Variants in KHDRBS2 observed in about 807,000 individuals in gnomAD.
The protein encoded by KHDRBS2 is KH RNA binding domain containing, signal transduction associated 2, also known as KH domain-containing, RNA-binding, signal transduction-associated protein 2.
A neutral mutation model predicts 44.3 loss-of-function variants in KHDRBS2; 26 were observed. The observed-to-expected ratio is 0.59, with a 90% CI of 0.43 to 0.81. The LOEUF is 0.81. KHDRBS2 is among the 40% of genes least tolerant of loss of function. The probability of loss-of-function intolerance (pLI) is 0.00; values close to 1 mark genes in which losing one functional copy is unlikely to be tolerated. For missense variants in KHDRBS2, 476 were observed against 433.1 expected (o/e 1.10, Z -0.88); for synonymous variants, 194 against 151.1 (o/e 1.28, Z -2.08).
At chr6:62,191,946 T>C (rs533352748) in intron 1 of KHDRBS2, among the ~76,000 whole-genome samples, 1 of 152,190 alleles carries the variant, frequency 6.6e-6, no homozygotes, top group African/African-American at 2.4e-5. Context: ...TATTGATCAG[T>C]GATTAGAAAG....
At chr6:61,931,409 C>T (rs146928830) in intron 4 of KHDRBS2, among the ~76,000 whole-genome samples, 315 of 151,900 alleles carry the variant, frequency 2.1e-3, no homozygotes, top group Admixed American at 3.4e-3. Context: ...GACTTAAAAA[C>T]TATATAAAAT....
chr6:61,902,913 CT>C (rs1274048022), intron 4 of KHDRBS2, among the ~76,000 whole-genome samples: 1 of 151,956 alleles, frequency 6.6e-6, no homozygotes, highest in Non-Finnish European at 1.5e-5. Context: ...TAGAAACTGC[CT>C]TGATTACAAG....
At chr6:61,767,209 T>C (rs1437043929) in intron 6 of KHDRBS2, among the ~76,000 whole-genome samples, 2 of 152,074 alleles carry the variant, frequency 1.3e-5, no homozygotes, top group Non-Finnish European at 2.9e-5. Flanking sequence ...TACATAATGA[T>C]CTCCTTTGTC....
At chr6:62,128,718 ATT>A (rs1229591008) in intron 2 of KHDRBS2, among the ~76,000 whole-genome samples, 1 of 151,848 alleles carries the variant, frequency 6.6e-6, no homozygotes, top group Admixed American at 6.6e-5. Context: ...TTCTAAATAT[ATT>A]TTTAGTGTAG....
At chr6:61,986,467 G>T (rs1045932490) in intron 3 of KHDRBS2, among the ~76,000 whole-genome samples, 1 of 151,956 alleles carries the variant, frequency 6.6e-6, no homozygotes, top group Admixed American at 6.6e-5. Context: ...GTTTGATATT[G>T]GTTTAGTTAT....
intron 7 of KHDRBS2, among the ~76,000 whole-genome samples, chr6:61,721,407 A>G (rs1020386442): frequency 6.6e-6 from 1 of 151,440 alleles, no homozygotes; most frequent in Non-Finnish European, 1.5e-5. Context: ...CTTCCTACCC[A>G]TGAGCATGGA....
chr6:62,275,317 C>T (rs1840753534), intron 1 of KHDRBS2, among the ~76,000 whole-genome samples: 1 of 152,024 alleles, frequency 6.6e-6, no homozygotes, highest in South Asian at 2.1e-4. Flanking sequence ...TTCATCTTCC[C>T]ACAATTCCTT....
chr6:61,948,198 C>T (rs1326581312), intron 4 of KHDRBS2, among the ~76,000 whole-genome samples: 1 of 151,948 alleles, frequency 6.6e-6, no homozygotes, highest in Non-Finnish European at 1.5e-5. Flanking sequence ...ATTCAACCAA[C>T]TATGAAGCAA....
intron 3 of KHDRBS2, among the ~76,000 whole-genome samples, chr6:62,022,657 C>T (rs1782560466): frequency 6.6e-6 from 1 of 151,424 alleles, no homozygotes; most frequent in African/African-American, 2.4e-5. Flanking sequence ...TCATGAGCTC[C>T]CTCTTTGGGC....
At chr6:62,053,270 T>C (rs1206105020) in intron 2 of KHDRBS2, among the ~76,000 whole-genome samples, 1 of 150,880 alleles carries the variant, frequency 6.6e-6, no homozygotes, top group Non-Finnish European at 1.5e-5. Flanking sequence ...AATGGAGAAA[T>C]ATCCAAGAAC....
intron 3 of KHDRBS2, among the ~76,000 whole-genome samples, chr6:62,009,996 C>T (rs1374391471): frequency 6.6e-6 from 1 of 152,090 alleles, no homozygotes; most frequent in Non-Finnish European, 1.5e-5. Flanking sequence ...GAGAACAGGG[C>T]CACCGTCCTC....
chr6:62,282,916 G>A (rs529812872), intron 1 of KHDRBS2, among the ~76,000 whole-genome samples: 22 of 152,220 alleles, frequency 1.4e-4, no homozygotes, highest in African/African-American at 5.1e-4. Context: ...AGCTTACCCA[G>A]ATTCAGTTGA....
rs2127589656 is a variant in KHDRBS2, at chr6:61,801,534, A to G, written c.811-68770T>C. 1.3e-5 allele frequency among the ~76,000 whole-genome samples: 2 copies of G among 152,300 alleles called. 1 individual carries two copies. Among genetic ancestry groups the G allele is most frequent in the East Asian group, 3.9e-4 (2 of 5,174 alleles). On this transcript the variant is annotated intron_variant, in intron 6 of 8. Coordinates refer to ENST00000281156, the MANE Select transcript of KHDRBS2 (RefSeq NM_152688.4). ...TATAGGAATTATATTTGATAAAGAAAGAACACTGATGAATAGCTCATTTGT... is the reference window on the plus strand; with the variant it reads ...TATAGGAATTATATTTGATAAAGAAGGAACACTGATGAATAGCTCATTTGT...
intron 6 of KHDRBS2, among the ~76,000 whole-genome samples, chr6:61,789,020 A>T (rs1027133877): frequency 2.6e-5 from 4 of 151,396 alleles, no homozygotes; most frequent in African/African-American, 9.7e-5. Context: ...TTACTTGGCA[A>T]GTTCTTTATC....
In KHDRBS2 at chr6:61,902,877, C is replaced by T. The variant is rs1441715388; in HGVS notation, c.484-1506G>A. 3.9e-5 allele frequency among the ~76,000 whole-genome samples: 6 copies of T among 152,240 alleles called. No homozygotes were observed. In the East Asian group the frequency reaches 1.2e-3, roughly 29 times the overall value. On this transcript the variant is annotated intron_variant, in intron 4 of 8. Coordinates refer to ENST00000281156, the MANE Select transcript of KHDRBS2 (RefSeq NM_152688.4). The stretch of plus-strand genomic sequence containing the variant: ...GGAAGCATTCAGCCTACAAGGATTT[C>T]TTTGGCACAGCTTTACCTCATGCTC...
intron 2 of KHDRBS2, among the ~76,000 whole-genome samples, chr6:62,088,800 T>C (rs1798915105): frequency 6.6e-6 from 1 of 152,144 alleles, no homozygotes; most frequent in Admixed American, 6.5e-5. Flanking sequence ...AAATTTTAAG[T>C]CTGCTGAAGC....
intron 3 of KHDRBS2, among the ~76,000 whole-genome samples, chr6:62,020,211 G>T (rs775194705): frequency 6.6e-6 from 1 of 151,720 alleles, no homozygotes; most frequent in Non-Finnish European, 1.5e-5. Flanking sequence ...CCAAATATTT[G>T]GGAATTTTTC....
At chr6:62,066,727 G>A (rs1562774760) in intron 2 of KHDRBS2, among the ~76,000 whole-genome samples, 2 of 151,618 alleles carry the variant, frequency 1.3e-5, no homozygotes, top group East Asian at 2.0e-4. Flanking sequence ...AGTTTTCTAG[G>A]GGACATAGAA....
Position 61,978,068 on chromosome 6 carries a change from G to A in KHDRBS2, c.481C>T (p.Pro161Ser). 1 of 1,587,410 alleles carries A rather than the reference G, an allele frequency of 6.3e-7. No homozygotes were observed. Among genetic ancestry groups the A allele is most frequent in the Non-Finnish European group, 8.5e-7 (1 of 1,171,948 alleles). ...TGTAAAAAATGAAAGACACTTACAGGAACCAGGAATTTTTTAATCTCTTCC... is the reference window on the plus strand; with the variant it reads ...TGTAAAAAATGAAAGACACTTACAGAAACCAGGAATTTTTTAATCTCTTCC... ...ALEEIKKFLVPDYNDEIRQEQ... is the reference protein window; with the variant it reads ...ALEEIKKFLVSDYNDEIRQEQ... The change falls in exon 4 of 9, where the codon CCT (proline) becomes TCT (serine). Residue 161 changes from proline (P) to serine (S), a missense_variant and splice_region_variant. Coordinates refer to ENST00000281156, the MANE Select transcript of KHDRBS2 (RefSeq NM_152688.4).
Sources: gnomAD v4.1 joint callset for allele counts (sites outside exome capture counted in the v4.1 genomes callset) on GRCh38, gnomAD v4.1.1 for gene constraint, MANE v1.5 for transcripts, NCBI Gene and HGNC (gene_info 2026-07-23, HGNC 2026-07-21) for gene names.